TAFA4: variants seen among roughly 807,000 people sequenced by gnomAD.
TAFA4 encodes the protein TAFA chemokine like family member 4.
TAFA4 carries 20 observed loss-of-function variants against 21.1 expected under a neutral mutation model. The ratio of observed to expected loss-of-function variants is 0.95; its 90% CI spans 0.67 to 1.38. The LOEUF is 1.38. Among genes scored for constraint, TAFA4 ranks in the 40% most tolerant of loss-of-function variants. TAFA4 has a pLI of 0.00. For synonymous variants in TAFA4, 71 were observed against 67.4 expected (o/e 1.05, Z -0.26); for missense variants, 211 against 180.9 (o/e 1.17, Z -0.95).
At chr3:68,817,025 G>T (rs1018408549) in intron 3 of TAFA4, among the ~76,000 whole-genome samples, 1 of 152,168 alleles carries the variant, frequency 6.6e-6, no homozygotes, top group Non-Finnish European at 1.5e-5. Flanking sequence ...AGACAATAAT[G>T]AGGTTTGATG....
intron 1 of TAFA4, among the ~76,000 whole-genome samples, chr3:68,929,004 C>G (rs1268924980): frequency 2.6e-5 from 4 of 151,554 alleles, no homozygotes; most frequent in Admixed American, 6.6e-5. Context: ...AAAAAAGAGC[C>G]CTTTTGACTG....
intron 1 of TAFA4, among the ~76,000 whole-genome samples, chr3:68,914,965 T>C (rs1361066845): frequency 1.3e-5 from 2 of 152,256 alleles, no homozygotes; most frequent in East Asian, 1.9e-4. Context: ...TTCGTTTACA[T>C]ACCATCGCAG....
chr3:68,918,202 G>A (rs1041152093), intron 1 of TAFA4, among the ~76,000 whole-genome samples: 18 of 151,900 alleles, frequency 1.2e-4, no homozygotes, highest in African/African-American at 2.7e-4. Context: ...CAGAGCCACC[G>A]AACAAGGAAG....
At chr3:68,793,139 T>C (rs753346648) in intron 3 of TAFA4, among the ~76,000 whole-genome samples, 1 of 152,178 alleles carries the variant, frequency 6.6e-6, no homozygotes, top group Non-Finnish European at 1.5e-5. Flanking sequence ...TTCAGGGACA[T>C]AGAAACTGAT....
At chr3:68,883,725 A>G (rs1293762200) in intron 2 of TAFA4, among the ~76,000 whole-genome samples, 1 of 152,208 alleles carries the variant, frequency 6.6e-6, no homozygotes, top group Non-Finnish European at 1.5e-5. Flanking sequence ...ATTTAACCCT[A>G]AAGAAATAAC....
chr3:68,763,659 C>T (rs1176087476), intron 3 of TAFA4, among the ~76,000 whole-genome samples: 1 of 152,070 alleles, frequency 6.6e-6, no homozygotes, highest in Non-Finnish European at 1.5e-5. Flanking sequence ...AATTTGTCTT[C>T]CCTTACTACT....
intron 3 of TAFA4, among the ~76,000 whole-genome samples, chr3:68,810,175 T>A (rs1439101453): frequency 6.6e-6 from 1 of 152,180 alleles, no homozygotes; most frequent in Non-Finnish European, 1.5e-5. Context: ...ATGTGGACAT[T>A]TCAACAATAG....
At chr3:68,902,412 G>A (rs1194540981) in intron 1 of TAFA4, among the ~76,000 whole-genome samples, 1 of 151,878 alleles carries the variant, frequency 6.6e-6, no homozygotes, top group Non-Finnish European at 1.5e-5. Flanking sequence ...CTGTTGTTCA[G>A]GCTGGACTGC....
intron 3 of TAFA4, among the ~76,000 whole-genome samples, chr3:68,817,538 A>G (rs1704015872): frequency 6.6e-6 from 1 of 152,182 alleles, no homozygotes. Context: ...CTTTGGCTAG[A>G]TCCATCAGAG....
intron 3 of TAFA4, among the ~76,000 whole-genome samples, chr3:68,791,966 TA>T (rs1703368442): frequency 1.3e-5 from 2 of 152,284 alleles, no homozygotes; most frequent in African/African-American, 4.8e-5. Flanking sequence ...TCCTGTACCC[TA>T]AGGCAGAGAT....
intron 3 of TAFA4, among the ~76,000 whole-genome samples, chr3:68,812,128 A>C (rs1408065814): frequency 6.6e-6 from 1 of 152,222 alleles, no homozygotes; most frequent in African/African-American, 2.4e-5. Flanking sequence ...AAATGCTGAG[A>C]GATTCTGTCA....
chr3:68,819,998 G>A (rs1704077539), intron 3 of TAFA4, among the ~76,000 whole-genome samples: 1 of 152,114 alleles, frequency 6.6e-6, no homozygotes, highest in African/African-American at 2.4e-5. Context: ...ATTCATTGCA[G>A]CACTATTCAC....
At chr3:68,919,399 C>G (rs777433541) in intron 1 of TAFA4, among the ~76,000 whole-genome samples, 1 of 152,124 alleles carries the variant, frequency 6.6e-6, no homozygotes, top group Non-Finnish European at 1.5e-5. Flanking sequence ...TCAAGAGTCT[C>G]GAGCCCCTGA....
chr3:68,807,995 T>C (rs1703740736), intron 3 of TAFA4, among the ~76,000 whole-genome samples: 2 of 152,192 alleles, frequency 1.3e-5, no homozygotes, highest in Non-Finnish European at 2.9e-5. Flanking sequence ...TAGAGCATTA[T>C]ATTGGAAGGG....
Position 68,873,333 on chromosome 3 carries a change from G to GACACACACACAC in TAFA4, c.130+7396_130+7397insGTGTGTGTGTGT, listed in dbSNP as rs1348018956. ...CACACACAACAGACAGACACACGCAGACATACACACACACACACACACACA... is the reference window on the plus strand; with the variant it reads ...CACACACAACAGACAGACACACGCAGACACACACACACACATACACACACACACACACACACA... On this transcript the variant is annotated intron_variant, in intron 3 of 5. Transcript: ENST00000295569. Among the ~76,000 whole-genome samples, 15 of 46,972 alleles carry GACACACACACAC rather than the reference G, an allele frequency of 3.2e-4. 1 individual carries two copies. The East Asian group carries it at 6.2e-3, about 19-fold the overall frequency. The allele number at this position is 46,972 out of a possible 152,430, so 30.8% of individuals were successfully genotyped here.
chr3:68,756,968 T>TTCAG (rs999479829), intron 3 of TAFA4, among the ~76,000 whole-genome samples: 6 of 152,040 alleles, frequency 3.9e-5, no homozygotes, highest in Non-Finnish European at 8.8e-5. Flanking sequence ...ATCAGCAACT[T>TTCAG]TCAGTCAAAC....
chr3:68,837,602 G>A (rs949714964), intron 3 of TAFA4, among the ~76,000 whole-genome samples: 1 of 152,172 alleles, frequency 6.6e-6, no homozygotes, highest in African/African-American at 2.4e-5. Context: ...AGAGGTGGGG[G>A]TCAAAGATTC....
intron 3 of TAFA4, among the ~76,000 whole-genome samples, chr3:68,805,574 G>T (rs1401973070): frequency 6.6e-6 from 1 of 152,194 alleles, no homozygotes; most frequent in Non-Finnish European, 1.5e-5. Flanking sequence ...AACAACGATA[G>T]ACTGGATTAA....
intron 3 of TAFA4, among the ~76,000 whole-genome samples, chr3:68,814,797 G>A (rs1012109981): frequency 4.6e-5 from 7 of 152,124 alleles, no homozygotes; most frequent in African/African-American, 1.7e-4. Flanking sequence ...TTTCTTCACA[G>A]AATTGGAAAA....
Sources: gnomAD v4.1 joint callset for allele counts (sites outside exome capture counted in the v4.1 genomes callset) on GRCh38, gnomAD v4.1.1 for gene constraint, MANE v1.5 for transcripts, NCBI Gene and HGNC (gene_info 2026-07-23, HGNC 2026-07-21) for gene names.